AZGP1: variants seen among roughly 807,000 people sequenced by gnomAD.
AZGP1 encodes alpha-2-glycoprotein 1, zinc-binding.
In AZGP1, 28 loss-of-function variants were observed where a neutral mutation model predicts 31.5. The observed-to-expected ratio is 0.89, with a 90% CI of 0.66 to 1.22. The LOEUF is 1.22. Ranked by LOEUF, AZGP1 falls within the 50% of genes most tolerant of loss-of-function variation. The pLI, the probability that AZGP1 is intolerant of heterozygous loss-of-function variation, is 0.00. For missense variants in AZGP1, 361 were observed against 371.8 expected, an observed-to-expected ratio of 0.97 and a Z score of 0.24; for synonymous variants, 135 against 145.4, an observed-to-expected ratio of 0.93 and a Z score of 0.51.
chr7:99,973,817 G>A (rs922574271), intron 1 of AZGP1, among the ~76,000 whole-genome samples: 1 of 151,528 alleles, frequency 6.6e-6, no homozygotes, highest in Admixed American at 6.6e-5. Flanking sequence ...TCAGAAGGCT[G>A]AGGCAGGAGA....
In AZGP1 at chr7:99,967,183, C is replaced by A. The variant is rs762614872; in HGVS notation, c.717G>T (p.Trp239Cys). 1 of 1,614,102 alleles carries A rather than the reference C, an allele frequency of 6.2e-7. No individual in the cohort carries two copies. The highest frequency in any genetic ancestry group is 8.5e-7 in the Non-Finnish European group (1 of 1,180,004). Reference sequence around the variant, plus strand: ...GCTCCTGCACCTCGCCGGCCCGAGTCCAGTGCACATCAATTTTCCCTGGGT... The same window carrying A: ...GCTCCTGCACCTCGCCGGCCCGAGTACAGTGCACATCAATTTTCCCTGGGT... ...DFYPGKIDVH[W>C]TRAGEVQEPE... The change falls in exon 4 of 4, where the codon TGG (tryptophan) becomes TGT (cysteine). Residue 239 changes from tryptophan (W) to cysteine (C), a missense_variant. Coordinates refer to ENST00000292401, the MANE Select transcript of AZGP1 (RefSeq NM_001185.4).
At chr7:99,967,904 G>C (rs1209536851) in intron 3 of AZGP1, 8 of 612,596 alleles carry the variant, frequency 1.3e-5, no homozygotes, top group Non-Finnish European at 2.3e-5. Context: ...CTGTTAATTG[G>C]AGATGATTTG....
intron 3 of AZGP1, 84 bp downstream of exon 3, chr7:99,968,071 C>A (rs753077394): frequency 1.3e-6 from 2 of 1,539,742 alleles, no homozygotes; most frequent in East Asian, 2.2e-5. Context: ...CAGATGAGAC[C>A]GGACTAAGAT....
Position 99,968,314 on chromosome 7 carries a change from G to C in AZGP1, c.454C>G (p.Pro152Ala), listed in dbSNP as rs1053011506. 4 of 1,613,372 alleles carry C rather than the reference G, an allele frequency of 2.5e-6. No individual in the cohort carries two copies. In the Admixed American group the frequency reaches 6.7e-5, roughly 27 times the overall value. ...KDYIEFNKEI[P>A]AWVPFDPAAQ... is the part of the protein sequence containing the mutation. ...GCTGGGTCGAAGGGGACCCAGGCTG[G>C]GATTTCTTTGTTGAATTCAATGTAG... Residue 152 changes from proline to alanine, a missense_variant, in exon 3 of 4, where the codon CCA becomes GCA. Pro to Ala is a conservative substitution (Grantham distance 27). Transcript: ENST00000292401.
chr7:99,970,730 A>T (rs1789563556), intron 2 of AZGP1, among the ~76,000 whole-genome samples: 1 of 151,462 alleles, frequency 6.6e-6, no homozygotes, highest in East Asian at 1.9e-4. Context: ...CCCCCACCCC[A>T]CATCCTTGAA....
In AZGP1 at chr7:99,974,206, C is replaced by G. The variant is rs148751822; in HGVS notation, c.76+1739G>C. Among the ~76,000 whole-genome samples the G allele has an allele frequency of 3.3e-5, 5 of 152,130 alleles. No homozygotes were observed. In the South Asian group the frequency reaches 1.0e-3, roughly 32 times the overall value. On this transcript the variant is annotated intron_variant, in intron 1 of 3. Coordinates refer to ENST00000292401, the MANE Select transcript of AZGP1 (RefSeq NM_001185.4). ...GGAGGTTTGCAGTAAGCCAAGATCA[C>G]GCCACTGCACTCCAGCCTGGGTGAC...
chr7:99,967,946 G>C (rs1447489722), intron 3 of AZGP1: 3 of 711,940 alleles, frequency 4.2e-6, no homozygotes, highest in Non-Finnish European at 7.0e-6. Context: ...TGGCCTTCCT[G>C]GCCCATTCTG....
At chr7:99,971,643 T>C in intron 2 of AZGP1, 103 bp downstream of exon 2, 1 of 1,398,402 alleles carries the variant, frequency 7.2e-7, no homozygotes, top group Non-Finnish European at 9.8e-7. Flanking sequence ...GTTCTTCCCC[T>C]GGGATTGGGA....
chr7:99,975,715 A>C (rs1052196574), intron 1 of AZGP1, among the ~76,000 whole-genome samples: 2 of 151,974 alleles, frequency 1.3e-5, no homozygotes, highest in Admixed American at 6.5e-5. Context: ...TTTCACTGTA[A>C]ACTAGGGGTT....
intron 2 of AZGP1, among the ~76,000 whole-genome samples, chr7:99,971,104 G>A (rs1039116616): frequency 4.6e-5 from 7 of 152,216 alleles, no homozygotes; most frequent in Non-Finnish European, 4.4e-5. Flanking sequence ...CATGGGCTAC[G>A]GTGTGTGCTG....
chr7:99,973,822 A>C (rs1279660075), intron 1 of AZGP1, among the ~76,000 whole-genome samples: 1 of 151,658 alleles, frequency 6.6e-6, no homozygotes, highest in Non-Finnish European at 1.5e-5. Context: ...AGGCTGAGGC[A>C]GGAGAATCGC....
chr7:99,971,638 TC>T, intron 2 of AZGP1, 107 bp downstream of exon 2: 1 of 1,369,196 alleles, frequency 7.3e-7, no homozygotes, highest in Non-Finnish European at 1.0e-6. Context: ...CTCCTGTTCT[TC>T]CCCTGGGATT....
rs768740740 is a variant in AZGP1, at chr7:99,968,392, C to T, written c.376G>A (p.Glu126Lys). 6 of 1,613,736 alleles carry T rather than the reference C, an allele frequency of 3.7e-6. No homozygotes were observed. Among genetic ancestry groups the T allele is most frequent in the South Asian group, 1.1e-5 (1 of 91,056 alleles). The change falls in exon 3 of 4, where the codon GAG (glutamate) becomes AAG (lysine). Residue 126 changes from glutamate to lysine, a missense_variant. By Grantham distance (56) the Glu-to-Lys change is moderately conservative. Coordinates refer to ENST00000292401, the MANE Select transcript of AZGP1 (RefSeq NM_001185.4). ...VLQGRFGCEI[E>K]NNRSSGAFWK... is the part of the protein sequence containing the mutation. ...AATGCTCCGCTGCTTCTGTTATTCT[C>T]GATCTCACAACCAAACCTTCCCTGC...
intron 1 of AZGP1, among the ~76,000 whole-genome samples, chr7:99,973,758 A>C (rs1282696041): frequency 5.9e-5 from 9 of 151,796 alleles, no homozygotes; most frequent in Non-Finnish European, 1.0e-4. Flanking sequence ...TCTACTAAAA[A>C]TACATAAATT....
At chr7:99,972,195 G>C (rs553091176) in intron 1 of AZGP1, among the ~76,000 whole-genome samples, 189 bp from the exon 2 acceptor site, 4 of 152,276 alleles carry the variant, frequency 2.6e-5, no homozygotes, top group African/African-American at 7.2e-5. Flanking sequence ...TGATATTTCA[G>C]AGACCATCCT....
At chr7:99,967,345 C>T (rs764619152) in intron 3 of AZGP1, 59 bp from the exon 4 acceptor site, 7 of 1,550,654 alleles carry the variant, frequency 4.5e-6, no homozygotes, top group Non-Finnish European at 6.1e-6. Flanking sequence ...CGGCCCAGGT[C>T]TCTTCCTACC....
In AZGP1 at chr7:99,975,929, T is replaced by C. The variant is rs373017718; in HGVS notation, c.76+16A>G. On this transcript the variant is annotated intron_variant, in intron 1 of 3. Coordinates refer to ENST00000292401, the MANE Select transcript of AZGP1 (RefSeq NM_001185.4). ...CCAGTCCTCTCCAGCACCCATCCCT[T>C]GCTTTCCCCACTCACCATCTTGGTT... The C allele has an allele frequency of 1.9e-5, 30 of 1,613,742 alleles. No individual in the cohort carries two copies. The highest frequency in any genetic ancestry group is 2.5e-5 in the Non-Finnish European group (30 of 1,179,868).
chr7:99,971,688 C>T (rs991132187), intron 2 of AZGP1, 58 bp downstream of exon 2: 1 of 1,566,238 alleles, frequency 6.4e-7, no homozygotes, highest in African/African-American at 1.4e-5. Context: ...GCCACTCACA[C>T]TGGGGGGGCT....
At position 99,967,038 on chromosome 7, in the gene AZGP1, C is replaced by G. The variant is rs1339963446; in HGVS notation, c.862G>C (p.Ala288Pro). The G allele has an allele frequency of 6.2e-7, 1 of 1,614,084 alleles. No individual in the cohort carries two copies. Among genetic ancestry groups the G allele is most frequent in the Non-Finnish European group, 8.5e-7 (1 of 1,179,956 alleles). ...TCCCAGGGCACCACGAGGGGCTGGG[C>G]CAGGCTGCTGTGCTGCACGTGGCAG... ...YSCHVQHSSL[A>P]QPLVVPWEAS Residue 288 changes from alanine (A) to proline (P), a missense_variant, in exon 4 of 4, where the codon GCC (alanine) becomes CCC (proline). Physicochemically the swap from Ala to Pro is conservative, Grantham distance 27. Coordinates refer to ENST00000292401, the MANE Select transcript of AZGP1 (RefSeq NM_001185.4).
Sources: gnomAD v4.1 joint callset for allele counts (sites outside exome capture counted in the v4.1 genomes callset) on GRCh38, gnomAD v4.1.1 for gene constraint, MANE v1.5 for transcripts, NCBI Gene and HGNC (gene_info 2026-07-23, HGNC 2026-07-21) for gene names.